Variants in LRRFIP1 observed in about 807,000 individuals in gnomAD.
LRRFIP1 encodes the protein LRR binding FLII interacting protein 1, also known as leucine-rich repeat flightless-interacting protein 1.
In LRRFIP1, 62 loss-of-function variants were observed where a neutral mutation model predicts 104.4. The ratio of observed to expected loss-of-function variants is 0.59; its 90% confidence interval spans 0.48 to 0.73. LRRFIP1 has a LOEUF of 0.73. Among genes scored for constraint, LRRFIP1 ranks in the 30% least tolerant of loss-of-function variants. The probability of loss-of-function intolerance (pLI) is 0.00; values close to 1 mark genes in which losing one functional copy is unlikely to be tolerated. For missense variants in LRRFIP1, 796 were observed against 824.5 expected (o/e 0.97, Z 0.42); for synonymous variants, 300 against 299.0 (o/e 1.00, Z -0.03).
intron 2 of LRRFIP1, among the ~76,000 whole-genome samples, chr2:237,712,040 G>C (rs559060342): frequency 6.8e-4 from 103 of 152,302 alleles, no homozygotes; most frequent in African/African-American, 2.2e-3. Flanking sequence ...TGTGTATTTC[G>C]TGACTAGTCA....
At chr2:237,656,632 A>C (rs1033028704) in intron 1 of LRRFIP1, among the ~76,000 whole-genome samples, 18 of 152,224 alleles carry the variant, frequency 1.2e-4, no homozygotes, top group African/African-American at 4.3e-4. Context: ...TGGAATATCC[A>C]TGTGACTCAC....
chr2:237,682,674 C>T (rs1417066244), intron 1 of LRRFIP1, among the ~76,000 whole-genome samples: 3 of 152,210 alleles, frequency 2.0e-5, no homozygotes, highest in Admixed American at 6.5e-5. Flanking sequence ...CATCTGAAAT[C>T]TCAACTCCCC....
In LRRFIP1 at chr2:237,708,611, T is replaced by C. The variant is rs754726738; in HGVS notation, c.164T>C (p.Leu55Pro). The C allele has an allele frequency of 1.5e-5, 24 of 1,600,694 alleles. No homozygotes were observed. Among genetic ancestry groups the C allele is most frequent in the Non-Finnish European group, 1.9e-5 (22 of 1,171,902 alleles). ...GCTCGCGAGATCCGCATGAAGGAGC[T>C]GGAGCGGCAGCAGAAGGAGGTAACG... Reference protein sequence around the residue: ...AEAREIRMKELERQQKEIYQV... With the variant: ...AEAREIRMKEPERQQKEIYQV... The change falls in exon 2 of 24, where the codon CTG (leucine) becomes CCG (proline). Residue 55 changes from leucine (L) to proline (P), a missense_variant. Transcript: ENST00000308482.
At chr2:237,704,865 C>A (rs1443504639) in intron 1 of LRRFIP1, among the ~76,000 whole-genome samples, 1 of 152,114 alleles carries the variant, frequency 6.6e-6, no homozygotes, top group Admixed American at 6.5e-5. Context: ...CATGATTCAT[C>A]CATGGGGTTC....
chr2:237,632,913 C>T (rs13001532), intron 1 of LRRFIP1, among the ~76,000 whole-genome samples: 18,763 of 152,214 alleles, frequency 0.12, 1,601 homozygotes, highest in Non-Finnish European at 0.2. Context: ...GTCCCTAGGC[C>T]TATTTCACTT....
chr2:237,648,429 T>C (rs575361802), intron 1 of LRRFIP1, among the ~76,000 whole-genome samples: 1 of 152,012 alleles, frequency 6.6e-6, no homozygotes, highest in South Asian at 2.1e-4. Context: ...TAATCTGGTA[T>C]AACAAGATGC....
rs532021378 is a variant in LRRFIP1 at position 237,692,542 on chromosome 2, A to C, written c.97-16002A>C. On this transcript the variant is annotated intron_variant, in intron 1 of 23. Transcript: ENST00000308482. ...AGCTGGTAAGAGGAAAGCGCTTCCG[A>C]AACTTTCTTTCGTGACTGCGGCGGG... 35 of 1,501,280 alleles carry C rather than the reference A, an allele frequency of 2.3e-5. No individual in the cohort carries two copies. In the African/African-American group the frequency reaches 4.1e-4, roughly 18 times the overall value. 93.0% of individuals were successfully genotyped at this position (1,501,280 alleles called of 1,614,324 possible). A position where few individuals can be genotyped will look rare whatever the true frequency, so the allele number is the denominator to read the frequency against.
intron 4 of LRRFIP1, among the ~76,000 whole-genome samples, chr2:237,718,997 C>A (rs1242722429): frequency 6.6e-6 from 1 of 151,982 alleles, no homozygotes; most frequent in East Asian, 1.9e-4. Context: ...GTTTTATATA[C>A]CACTGAGAAA....
chr2:237,720,954 C>A, intron 6 of LRRFIP1, 132 bp downstream of exon 6: 1 of 762,790 alleles, frequency 1.3e-6, no homozygotes, highest in Non-Finnish European at 2.3e-6. Flanking sequence ...CGATGAGATG[C>A]TTACTTAAAA....
intron 1 of LRRFIP1, among the ~76,000 whole-genome samples, chr2:237,648,714 C>T (rs1445589255): frequency 6.6e-6 from 1 of 151,284 alleles, no homozygotes; most frequent in African/African-American, 2.4e-5. Flanking sequence ...CCCACCCACC[C>T]CCAGCCCAGC....
intron 19 of LRRFIP1, chr2:237,765,597 A>G (rs2060208174): frequency 2.1e-6 from 2 of 974,984 alleles, no homozygotes; most frequent in East Asian, 1.1e-4. Context: ...CACTTTTGGT[A>G]TTTTGGTATA....
At position 237,742,085 on chromosome 2, in the gene LRRFIP1, C is replaced by T. The variant is rs542360570; in HGVS notation, c.633+2776C>T. Among the ~76,000 whole-genome samples, 10 of 152,274 alleles carry T rather than the reference C, an allele frequency of 6.6e-5. No individual in the cohort carries two copies. The South Asian group carries it at 1.7e-3, about 25-fold the overall frequency. ...AAATGACACAAATTTCTTTGTCATACGAAATTGACCGAAGAGACTGAAATG... is the reference window on the plus strand; with the variant it reads ...AAATGACACAAATTTCTTTGTCATATGAAATTGACCGAAGAGACTGAAATG... On this transcript the variant is annotated intron_variant, in intron 11 of 23. Transcript: ENST00000308482.
At chr2:237,707,407 C>T (rs1016155312) in intron 1 of LRRFIP1, among the ~76,000 whole-genome samples, 2 of 145,634 alleles carry the variant, frequency 1.4e-5, no homozygotes, top group African/African-American at 5.2e-5. Context: ...AATACACACA[C>T]ACACTGCACT....
At chr2:237,648,435 G>T (rs977730796) in intron 1 of LRRFIP1, among the ~76,000 whole-genome samples, 1 of 151,790 alleles carries the variant, frequency 6.6e-6, no homozygotes, top group Non-Finnish European at 1.5e-5. Flanking sequence ...GGTATAACAA[G>T]ATGCCTCACG....
intron 1 of LRRFIP1, among the ~76,000 whole-genome samples, chr2:237,644,216 G>A (rs2084501497): frequency 1.3e-5 from 2 of 152,242 alleles, no homozygotes; most frequent in Admixed American, 6.5e-5. Context: ...CTGCCGGCGC[G>A]ATGAGCTCGC....
intron 19 of LRRFIP1, chr2:237,763,954 A>G (rs150562260): frequency 2.5e-6 from 4 of 1,614,140 alleles, no homozygotes; most frequent in Non-Finnish European, 3.4e-6. Context: ...CAGAAAGTAC[A>G]GAGAGGTGTG....
intron 1 of LRRFIP1, among the ~76,000 whole-genome samples, chr2:237,694,745 G>T (rs558146446): frequency 6.6e-6 from 1 of 152,348 alleles, no homozygotes. Context: ...GGCTTCTTCA[G>T]CAAGTGGGCA....
chr2:237,731,072 T>C (rs58465463), intron 8 of LRRFIP1, among the ~76,000 whole-genome samples: 5,373 of 152,320 alleles, frequency 0.035, 111 homozygotes, highest in South Asian at 0.081. Flanking sequence ...AGAGGTGCCA[T>C]GTGGCTGAGC....
At position 237,766,366 on chromosome 2, in the gene LRRFIP1, A is replaced by G. The variant is rs1247676525; in HGVS notation, c.1460-3577A>G. ...GCTCTATAGGACTTCACAGGGTTTT[A>G]GTTTATGTCTCTAACTTTAGCAAAG... On this transcript the variant is annotated intron_variant, in intron 19 of 23. Transcript: ENST00000308482. This position sits in a 1 kb window ranked among gnomAD's most constrained non-coding sequence, Gnocchi z 4.8. Among the ~76,000 whole-genome samples the G allele has an allele frequency of 6.6e-6, 1 of 152,146 alleles. No homozygotes were observed. The highest frequency in any genetic ancestry group is 1.5e-5 in the Non-Finnish European group (1 of 68,036).
Sources: allele counts gnomAD v4.1 joint callset (sites outside exome capture counted in the v4.1 genomes callset), GRCh38; gene constraint gnomAD v4.1.1; non-coding constraint Gnocchi (gnomAD v3.1); transcripts MANE v1.5; gene names NCBI Gene and HGNC (gene_info 2026-07-23, HGNC 2026-07-21).